The following TRIM42 variants were observed in gnomAD, a reference collection of about 807,000 sequenced individuals.
The protein encoded by TRIM42 is tripartite motif containing 42.
TRIM42 carries 59 observed loss-of-function variants against 64.9 expected under a neutral mutation model. The observed-to-expected ratio is 0.91, with a 90% CI of 0.74 to 1.13. The LOEUF (loss-of-function observed/expected upper bound fraction) is 1.13, where lower values mean the gene tolerates loss of function less well. TRIM42 is among the 50% of genes most tolerant of loss of function. The pLI, the probability that TRIM42 is intolerant of heterozygous loss-of-function variation, is 0.00. For missense variants in TRIM42, 878 were observed against 929.5 expected, an observed-to-expected ratio of 0.94 and a Z score of 0.72; for synonymous variants, 354 against 346.3, an observed-to-expected ratio of 1.02 and a Z score of -0.25.
intron 1 of TRIM42, 108 bp from the exon 2 acceptor site, chr3:140,682,354 C>G: frequency 9.1e-7 from 1 of 1,103,090 alleles, no homozygotes; most frequent in Non-Finnish European, 1.3e-6. Context: ...GGCTCCTCAC[C>G]ACCACACTAG....
intron 2 of TRIM42, among the ~76,000 whole-genome samples, chr3:140,685,172 A>C (rs1356918516): frequency 6.6e-6 from 1 of 152,220 alleles, no homozygotes; most frequent in Non-Finnish European, 1.5e-5. Flanking sequence ...TCTGGGAGGT[A>C]CCATAAATTG....
intron 3 of TRIM42, among the ~76,000 whole-genome samples, chr3:140,689,714 C>G (rs115152595): frequency 0.024 from 3,620 of 151,722 alleles, 63 homozygotes; most frequent in Non-Finnish European, 0.037. Context: ...CATGAGCTAT[C>G]GACATGATGA....
In TRIM42 at chr3:140,688,466, C is replaced by T. The variant is rs1345550364; in HGVS notation, c.1784C>T (p.Ser595Leu). 2 of 1,614,198 alleles carry T rather than the reference C, an allele frequency of 1.2e-6. No individual in the cohort carries two copies. Among genetic ancestry groups the T allele is most frequent in the Non-Finnish European group, 1.7e-6 (2 of 1,180,032 alleles). ...QNSSSFHNWYSFNDGSVKTPG... is the reference protein window; with the variant it reads ...QNSSSFHNWYLFNDGSVKTPG... Reference sequence around the variant, plus strand: ...AGCAGCAGCTTCCACAACTGGTACTCATTCAACGATGGCTCTGTGAAGACC... The same window carrying T: ...AGCAGCAGCTTCCACAACTGGTACTTATTCAACGATGGCTCTGTGAAGACC... Residue 595 changes from serine to leucine, a missense_variant, in exon 3 of 5, where the codon TCA becomes TTA. Physicochemically the swap from Ser to Leu is moderately radical, Grantham distance 145 (BLOSUM62 -2). Transcript: ENST00000286349.
At chr3:140,679,844 T>C (rs1270768320) in intron 1 of TRIM42, among the ~76,000 whole-genome samples, 2 of 152,096 alleles carry the variant, frequency 1.3e-5, no homozygotes, top group African/African-American at 4.8e-5. Flanking sequence ...TGAAGTCACC[T>C]GAGGATCTTT....
rs772925740 is a variant in TRIM42, at chr3:140,692,562, C to CAG, written c.2085+1378_2085+1379dup. ...ACACACACACACACACACACACACACAGAGAGAGATAGAGAGAGAGAGAGA... is the reference window on the plus strand; with the variant it reads ...ACACACACACACACACACACACACACAGAGAGAGAGATAGAGAGAGAGAGAGA... On this transcript the variant is annotated intron_variant, in intron 4 of 4. Transcript: ENST00000286349. 4.9e-3 allele frequency among the ~76,000 whole-genome samples: 554 copies of CAG among 113,822 alleles called. 63 individuals are homozygous for CAG. The highest frequency in any genetic ancestry group is 8.6e-3 in the South Asian group (27 of 3,144). 74.7% of individuals were successfully genotyped at this position (113,822 alleles called of 152,430 possible).
intron 1 of TRIM42, among the ~76,000 whole-genome samples, chr3:140,682,172 T>G (rs796881218): frequency 9.8e-5 from 15 of 152,324 alleles, no homozygotes; most frequent in African/African-American, 3.4e-4. Flanking sequence ...GGACTGCTCT[T>G]AGACTGTACA....
intron 4 of TRIM42, among the ~76,000 whole-genome samples, chr3:140,699,616 T>A (rs1988948503): frequency 6.6e-6 from 1 of 152,204 alleles, no homozygotes; most frequent in Admixed American, 6.5e-5. Flanking sequence ...TCTGACTATA[T>A]TTTAAAGCAA....
At position 140,687,978 on chromosome 3, in the gene TRIM42, A is replaced by G; in HGVS notation, c.1296A>G (p.Glu432=). 3 of 1,614,208 alleles carry G rather than the reference A, an allele frequency of 1.9e-6. No individual in the cohort carries two copies. The highest frequency in any genetic ancestry group is 2.5e-6 in the Non-Finnish European group (3 of 1,180,030). Residue 432 remains glutamate, a synonymous_variant, in exon 3 of 5, where the codon GAA becomes GAG. Transcript: ENST00000286349. ...ATGGTCTGATCGCCTACTCCAAGGA[A>G]GCCCTGAAGGAGACTGGCCAGGTGG... ...EMDGLIAYSK[E]ALKETGQVAF...
intron 4 of TRIM42, among the ~76,000 whole-genome samples, chr3:140,696,549 G>A (rs1293960931): frequency 1.3e-5 from 2 of 152,198 alleles, no homozygotes; most frequent in African/African-American, 4.8e-5. Context: ...AGTTTGCTAA[G>A]GCTTCCATAA....
chr3:140,698,236 A>T (rs1284072517), intron 4 of TRIM42, among the ~76,000 whole-genome samples: 1 of 152,246 alleles, frequency 6.6e-6, no homozygotes, highest in Non-Finnish European at 1.5e-5. Context: ...AGTAACTTGA[A>T]TTCTTAGAAA....
At chr3:140,697,161 A>C (rs1019935171) in intron 4 of TRIM42, among the ~76,000 whole-genome samples, 1 of 152,112 alleles carries the variant, frequency 6.6e-6, no homozygotes, top group Non-Finnish European at 1.5e-5. Flanking sequence ...TTCTGTAAAG[A>C]ACCTGTTGAT....
At chr3:140,696,519 C>T (rs59466027) in intron 4 of TRIM42, among the ~76,000 whole-genome samples, 1 of 152,092 alleles carries the variant, frequency 6.6e-6, no homozygotes, top group African/African-American at 2.4e-5. Flanking sequence ...GGTGTGTAAG[C>T]GTTCTCTGGG....
intron 2 of TRIM42, among the ~76,000 whole-genome samples, chr3:140,686,654 G>A (rs77752526): frequency 0.018 from 2,679 of 152,200 alleles, 57 homozygotes; most frequent in East Asian, 0.12. Context: ...TGAACCAAGT[G>A]CAAAAATAGC....
chr3:140,683,445 T>C (rs373699303), intron 2 of TRIM42, among the ~76,000 whole-genome samples: 1 of 152,190 alleles, frequency 6.6e-6, no homozygotes, highest in Admixed American at 6.5e-5. Flanking sequence ...AGTTCCTCTA[T>C]GTAAAGCATG....
At chr3:140,680,370 A>G (rs1988346239) in intron 1 of TRIM42, among the ~76,000 whole-genome samples, 1 of 151,666 alleles carries the variant, frequency 6.6e-6, no homozygotes, top group Non-Finnish European at 1.5e-5. Flanking sequence ...ATCCCTCTCC[A>G]TCTTAATCTT....
chr3:140,697,576 C>T (rs1988883883), intron 4 of TRIM42, among the ~76,000 whole-genome samples: 1 of 152,200 alleles, frequency 6.6e-6, no homozygotes, highest in South Asian at 2.1e-4. Context: ...TGTTCTTTTT[C>T]ACCATGTAGT....
At chr3:140,685,601 G>T (rs1004656376) in intron 2 of TRIM42, among the ~76,000 whole-genome samples, 1 of 152,128 alleles carries the variant, frequency 6.6e-6, no homozygotes, top group African/African-American at 2.4e-5. Context: ...GCCTCACCTG[G>T]CTTCCTGAGC....
At chr3:140,692,450 C>T (rs1290800205) in intron 4 of TRIM42, among the ~76,000 whole-genome samples, 2 of 151,846 alleles carry the variant, frequency 1.3e-5, no homozygotes, top group Non-Finnish European at 2.9e-5. Context: ...GGTGGGACCA[C>T]TCATCCTGGT....
chr3:140,687,808 A>G lies in TRIM42; in HGVS notation c.1126A>G (p.Ile376Val). 6.2e-7 allele frequency: 1 copy of G among 1,614,268 alleles called. No individual in the cohort carries two copies. Among genetic ancestry groups the G allele is most frequent in the Non-Finnish European group, 8.5e-7 (1 of 1,180,046 alleles). Residue 376 changes from isoleucine (I) to valine (V), a missense_variant, in exon 3 of 5, where the codon ATC becomes GTC. By Grantham distance (29) the Ile-to-Val change is conservative. Transcript: ENST00000286349. ...TGACAAGGAGGCAAAGCGAAAAGAG[A>G]TCAGAAATGGCTTTCTCAAGTTGCG... ...KADKEAKRKE[I>V]RNGFLKLRSI...
Sources: gnomAD v4.1 joint callset for allele counts (sites outside exome capture counted in the v4.1 genomes callset) on GRCh38, gnomAD v4.1.1 for gene constraint, MANE v1.5 for transcripts, NCBI Gene and HGNC (gene_info 2026-07-23, HGNC 2026-07-21) for gene names.